Variants in MSRB3 observed in about 807,000 individuals in gnomAD.
MSRB3 encodes methionine-R-sulfoxide reductase B3.
In MSRB3, 13 loss-of-function variants were observed where a neutral mutation model predicts 21.0. That is an observed-to-expected ratio of 0.62 (90% CI 0.40 to 0.98). The LOEUF (loss-of-function observed/expected upper bound fraction) is 0.98, where lower values mean the gene tolerates loss of function less well. Ranked by LOEUF, MSRB3 falls within the 50% of genes least tolerant of loss-of-function variation. The pLI is 0.00. For missense variants in MSRB3, 199 were observed against 230.3 expected (o/e 0.86, Z 0.88); for synonymous variants, 87 against 88.6 (o/e 0.98, Z 0.10).
chr12:65,365,026 A>G (rs1237599622), intron 4 of MSRB3, among the ~76,000 whole-genome samples: 1 of 151,556 alleles, frequency 6.6e-6, no homozygotes, highest in African/African-American at 2.4e-5. Context: ...TTGATCAGCT[A>G]TCCCTGGAGA....
chr12:65,278,957 A>T (rs1186655220), intron 1 of MSRB3, 92 bp downstream of exon 1: 4 of 1,510,982 alleles, frequency 2.6e-6, no homozygotes, highest in Non-Finnish European at 3.6e-6. Flanking sequence ...CCGGGATTCC[A>T]TTCTGCGCCT....
chr12:65,370,899 A>G (rs1403371884), intron 5 of MSRB3, among the ~76,000 whole-genome samples: 1 of 152,264 alleles, frequency 6.6e-6, no homozygotes, highest in African/African-American at 2.4e-5. Context: ...GAAAGAATTC[A>G]GATGTTTTCA....
chr12:65,358,628 C>G (rs1191623381), intron 4 of MSRB3, among the ~76,000 whole-genome samples: 1 of 151,786 alleles, frequency 6.6e-6, no homozygotes, highest in Non-Finnish European at 1.5e-5. Context: ...ATTTCCTGCC[C>G]TAGTCCTAGA....
chr12:65,400,286 A>G (rs1233243753), intron 5 of MSRB3, among the ~76,000 whole-genome samples: 1 of 150,996 alleles, frequency 6.6e-6, no homozygotes. Context: ...CCAATTTCAG[A>G]ACCTGTTATT....
At chr12:65,368,469 C>T (rs1399068718) in intron 4 of MSRB3, among the ~76,000 whole-genome samples, 1 of 152,150 alleles carries the variant, frequency 6.6e-6, no homozygotes, top group Non-Finnish European at 1.5e-5. Context: ...TCAAAGGCTT[C>T]TGAATTTACA....
At chr12:65,454,652 A>G (rs1883010867) in intron 6 of MSRB3, among the ~76,000 whole-genome samples, 1 of 152,214 alleles carries the variant, frequency 6.6e-6, no homozygotes, top group Non-Finnish European at 1.5e-5. Flanking sequence ...TAGGTTGGCT[A>G]CATGAGATAA....
intron 5 of MSRB3, among the ~76,000 whole-genome samples, chr12:65,411,955 C>G (rs1306887335): frequency 1.3e-5 from 2 of 151,970 alleles, no homozygotes; most frequent in Admixed American, 6.6e-5. Flanking sequence ...ACAACACTCT[C>G]ATTTTATAAA....
chr12:65,378,961 A>G (rs1434934907), intron 5 of MSRB3, among the ~76,000 whole-genome samples: 5 of 152,204 alleles, frequency 3.3e-5, no homozygotes, highest in Non-Finnish European at 2.9e-5. Flanking sequence ...ACTGTAACAT[A>G]TATCAGCCTA....
intron 4 of MSRB3, among the ~76,000 whole-genome samples, chr12:65,358,893 A>C (rs942190062): frequency 6.6e-6 from 1 of 151,946 alleles, no homozygotes; most frequent in African/African-American, 2.4e-5. Flanking sequence ...CTATGATTTT[A>C]TCTCTTAGCA....
At chr12:65,341,735 A>C (rs1876156756) in intron 4 of MSRB3, among the ~76,000 whole-genome samples, 1 of 152,030 alleles carries the variant, frequency 6.6e-6, no homozygotes, top group Admixed American at 6.6e-5. Flanking sequence ...AAGAATCTTA[A>C]CTAAAATATT....
chr12:65,365,784 A>T (rs1302389944), intron 4 of MSRB3, among the ~76,000 whole-genome samples: 1 of 152,154 alleles, frequency 6.6e-6, no homozygotes, highest in Non-Finnish European at 1.5e-5. Flanking sequence ...ATACCAAATG[A>T]CTGAGAGTAA....
At chr12:65,414,922 G>A (rs1240414687) in intron 5 of MSRB3, among the ~76,000 whole-genome samples, 1 of 152,138 alleles carries the variant, frequency 6.6e-6, no homozygotes, top group Non-Finnish European at 1.5e-5. Flanking sequence ...GTGCTTATAA[G>A]TCATCCCCAT....
chr12:65,391,623 G>A (rs1187866618), intron 5 of MSRB3, among the ~76,000 whole-genome samples: 1 of 152,062 alleles, frequency 6.6e-6, no homozygotes, highest in Non-Finnish European at 1.5e-5. Flanking sequence ...TCTCAAAAAA[G>A]GTGAATAGCT....
chr12:65,397,904 C>T (rs1879900729), intron 5 of MSRB3, among the ~76,000 whole-genome samples: 1 of 152,148 alleles, frequency 6.6e-6, no homozygotes, highest in African/African-American at 2.4e-5. Context: ...TGATGGTTTC[C>T]AGCTTCATCC....
intron 4 of MSRB3, among the ~76,000 whole-genome samples, chr12:65,361,085 A>T (rs1210909005): frequency 6.6e-6 from 1 of 151,882 alleles, no homozygotes; most frequent in African/African-American, 2.4e-5. Flanking sequence ...ATTTTTTTTT[A>T]AACTTAGCTT....
intron 5 of MSRB3, among the ~76,000 whole-genome samples, chr12:65,422,139 A>T (rs1361742632): frequency 6.6e-6 from 1 of 152,010 alleles, no homozygotes; most frequent in African/African-American, 2.4e-5. Flanking sequence ...AAAGAAGGGC[A>T]TTACATAATG....
At chr12:65,321,903 C>T (rs1461282002) in intron 2 of MSRB3, among the ~76,000 whole-genome samples, 2 of 152,088 alleles carry the variant, frequency 1.3e-5, no homozygotes, top group African/African-American at 2.4e-5. Flanking sequence ...CTACTAAACT[C>T]AAAGCAAAAC....
chr12:65,333,478 A>C (rs79413617), intron 4 of MSRB3, among the ~76,000 whole-genome samples: 5,667 of 152,248 alleles, frequency 0.037, 159 homozygotes, highest in Middle Eastern at 0.061. Context: ...TCAGAGATAG[A>C]ATCAAAAGTG....
At chr12:65,387,041 G>A (rs1387817246) in intron 5 of MSRB3, among the ~76,000 whole-genome samples, 1 of 151,820 alleles carries the variant, frequency 6.6e-6, no homozygotes, top group Non-Finnish European at 1.5e-5. Flanking sequence ...ATTTATGTAA[G>A]GCTATTGTAG....
Sources: allele counts gnomAD v4.1 joint callset (sites outside exome capture counted in the v4.1 genomes callset), GRCh38; gene constraint gnomAD v4.1.1; transcripts MANE v1.5; gene names NCBI Gene and HGNC (gene_info 2026-07-23, HGNC 2026-07-21).